The following PSMA5 variants were observed in gnomAD, a reference collection of about 807,000 sequenced individuals.
PSMA5 encodes proteasome 20S subunit alpha 5.
PSMA5 carries 3 observed loss-of-function variants against 34.5 expected under a neutral mutation model. The ratio of observed to expected loss-of-function variants is 0.09; its 90% CI spans 0.04 to 0.22. The LOEUF (loss-of-function observed/expected upper bound fraction) is 0.22. Among genes scored for constraint, PSMA5 ranks in the 10% least tolerant of loss-of-function variants. The pLI is 1.00. For missense variants in PSMA5, 120 were observed against 286.1 expected (o/e 0.42, Z 4.19); for synonymous variants, 88 against 95.8 (o/e 0.92, Z 0.47).
chr1:109,413,434 C>CACA (rs1557842164), intron 3 of PSMA5, among the ~76,000 whole-genome samples: 2 of 152,314 alleles, frequency 1.3e-5, no homozygotes, highest in East Asian at 3.9e-4. Flanking sequence ...CCCTTTAGCA[C>CACA]TCTTTGTAGA....
chr1:109,411,349 G>A (rs1486117758), intron 6 of PSMA5, among the ~76,000 whole-genome samples: 1 of 152,104 alleles, frequency 6.6e-6, no homozygotes, highest in East Asian at 1.9e-4. Context: ...GTATAAATAT[G>A]GTACTTGTTT....
Position 109,415,371 on chromosome 1 carries a change from G to T in PSMA5, c.97-8C>A. ...AATGGCTGTAGAACCAAGCTAAAGA[G>T]AAACATGTTATGATTACCATATATA... On this transcript the variant is annotated splice_polypyrimidine_tract_variant and splice_region_variant and intron_variant, in intron 2 of 8. Coordinates refer to ENST00000271308, the MANE Select transcript of PSMA5 (RefSeq NM_002790.4). 1 of 1,610,706 alleles carries T rather than the reference G, an allele frequency of 6.2e-7. No individual in the cohort carries two copies. Among genetic ancestry groups the T allele is most frequent in the African/African-American group, 1.3e-5 (1 of 74,944 alleles).
In PSMA5 at chr1:109,400,325, TTTA is replaced by T. The variant is rs1653459435; in HGVS notation, c.*1685_*1687del. 1 of 152,212 alleles carries T rather than the reference TTTA, an allele frequency of 6.6e-6. No homozygotes were observed. Among genetic ancestry groups the T allele is most frequent in the Non-Finnish European group, 1.5e-5 (1 of 68,038 alleles). The allele number at this position is 152,212 out of a possible 1,614,324, so 9.4% of individuals were successfully genotyped here. A position where few individuals can be genotyped will look rare whatever the true frequency, so the allele number is the denominator to read the frequency against. On this transcript the variant is annotated 3_prime_UTR_variant, in exon 9 of 9. Transcript: ENST00000271308. ...AACCTAGAGTTAAAAAGGAATATTGTTTATTGTTTGGCTCTCCCCACTAGAAGT... is the reference window on the plus strand; with the variant it reads ...AACCTAGAGTTAAAAAGGAATATTGTTTGTTTGGCTCTCCCCACTAGAAGT...
At chr1:109,415,493 G>A in intron 2 of PSMA5, 130 bp from the exon 3 acceptor site, 1 of 865,522 alleles carries the variant, frequency 1.2e-6, no homozygotes, top group Non-Finnish European at 1.6e-6. Flanking sequence ...CAGAGAGAAG[G>A]AGCACCCTAA....
chr1:109,407,617 C>T (rs1653831213), intron 8 of PSMA5, among the ~76,000 whole-genome samples: 1 of 152,124 alleles, frequency 6.6e-6, no homozygotes, highest in African/African-American at 2.4e-5. Flanking sequence ...TATATAATTA[C>T]AGCCTTGGTT....
intron 6 of PSMA5, among the ~76,000 whole-genome samples, chr1:109,411,499 A>C (rs1436061597): frequency 6.6e-6 from 1 of 152,184 alleles, no homozygotes; most frequent in South Asian, 2.1e-4. Flanking sequence ...GGAATTCTTC[A>C]TGGAATCCCC....
At chr1:109,418,902 C>T (rs1168856138) in intron 2 of PSMA5, among the ~76,000 whole-genome samples, 1 of 152,162 alleles carries the variant, frequency 6.6e-6, no homozygotes, top group African/African-American at 2.4e-5. Flanking sequence ...TGCCTATAAT[C>T]CCAGCAATTT....
At chr1:109,418,597 G>A (rs894727494) in intron 2 of PSMA5, among the ~76,000 whole-genome samples, 1 of 152,126 alleles carries the variant, frequency 6.6e-6, no homozygotes, top group Non-Finnish European at 1.5e-5. Flanking sequence ...GATTACAGGT[G>A]TGAGCCTTGC....
In PSMA5 at chr1:109,400,244, CAG is replaced by C. The variant is rs1262106433; in HGVS notation, c.*1767_*1768del. Reference sequence around the variant, plus strand: ...TTCCCCCTATGAAATGCATGTGATTCAGAGACACAACTCACCTCTCCCAAAAG... The same window carrying C: ...TTCCCCCTATGAAATGCATGTGATTCAGACACAACTCACCTCTCCCAAAAG... On this transcript the variant is annotated 3_prime_UTR_variant, in exon 9 of 9. Coordinates refer to ENST00000271308, the MANE Select transcript of PSMA5 (RefSeq NM_002790.4). 2 of 152,168 alleles carry C rather than the reference CAG, an allele frequency of 1.3e-5. No individual in the cohort carries two copies. The highest frequency in any genetic ancestry group is 2.4e-5 in the African/African-American group (1 of 41,414). The allele number at this position is 152,168 out of a possible 1,614,324, so 9.4% of individuals were successfully genotyped here.
intron 6 of PSMA5, 145 bp downstream of exon 6, chr1:109,411,732 C>T: frequency 1.3e-6 from 1 of 758,366 alleles, no homozygotes; most frequent in Non-Finnish European, 2.2e-6. Context: ...CTCAAGAGAT[C>T]CTCCTGCCTT....
chr1:109,422,335 G>T (rs909271427), intron 1 of PSMA5, among the ~76,000 whole-genome samples: 2 of 152,014 alleles, frequency 1.3e-5, no homozygotes, highest in African/African-American at 4.8e-5. Flanking sequence ...GTTAATACTT[G>T]GGGTTATCAC....
intron 8 of PSMA5, among the ~76,000 whole-genome samples, chr1:109,409,282 G>C (rs551541508): frequency 6.6e-6 from 1 of 152,058 alleles, no homozygotes; most frequent in African/African-American, 2.4e-5. Flanking sequence ...TCAGCCTCCC[G>C]AGTAGCTGGA....
intron 8 of PSMA5, among the ~76,000 whole-genome samples, chr1:109,408,470 TTATC>T (rs1653871363): frequency 6.6e-6 from 1 of 152,192 alleles, no homozygotes; most frequent in Non-Finnish European, 1.5e-5. Context: ...CAGGTTCTTA[TTATC>T]TATATGTTCC....
At position 109,401,052 on chromosome 1, in the gene PSMA5, A is replaced by G. The variant is rs1290280237; in HGVS notation, c.*961T>C. The G allele has an allele frequency of 6.6e-6, 1 of 152,216 alleles. No homozygotes were observed. Among genetic ancestry groups the G allele is most frequent in the African/African-American group, 2.4e-5 (1 of 41,460 alleles). The allele number at this position is 152,216 out of a possible 1,614,324, so 9.4% of individuals were successfully genotyped here. ...TCATCTGTTAAGTAGTGATACTGAT[A>G]CCATCTTCCCGTGGTAATTTTTGAG... On this transcript the variant is annotated 3_prime_UTR_variant, in exon 9 of 9. Transcript: ENST00000271308.
chr1:109,406,795 T>C (rs1278248594), intron 8 of PSMA5, among the ~76,000 whole-genome samples: 4 of 152,140 alleles, frequency 2.6e-5, no homozygotes, highest in Non-Finnish European at 4.4e-5. Context: ...GGAGGATCAA[T>C]ATAATGACTG....
At chr1:109,417,632 A>G (rs1654269951) in intron 2 of PSMA5, among the ~76,000 whole-genome samples, 1 of 152,170 alleles carries the variant, frequency 6.6e-6, no homozygotes, top group East Asian at 1.9e-4. Context: ...AAAACGGGAT[A>G]AATATGTAAA....
At chr1:109,425,827 T>A (rs904511615) in intron 1 of PSMA5, 1 of 159,194 alleles carries the variant, frequency 6.3e-6, no homozygotes, top group Admixed American at 6.4e-5. Context: ...AGACAATATA[T>A]CCAGCCAAAG....
At chr1:109,426,278 C>G (rs756094747) in intron 1 of PSMA5, 24 bp downstream of exon 1, 1 of 1,614,090 alleles carries the variant, frequency 6.2e-7, no homozygotes, top group Non-Finnish European at 8.5e-7. Context: ...TAATTCCCAC[C>G]CGACGTCCCC....
At chr1:109,416,820 T>A (rs549333874) in intron 2 of PSMA5, among the ~76,000 whole-genome samples, 1 of 152,318 alleles carries the variant, frequency 6.6e-6, no homozygotes, top group South Asian at 2.1e-4. Context: ...AAATGAGTAC[T>A]CAGGTTGGGC....
Sources: allele counts gnomAD v4.1 joint callset (sites outside exome capture counted in the v4.1 genomes callset), GRCh38; gene constraint gnomAD v4.1.1; transcripts MANE v1.5; gene names NCBI Gene and HGNC (gene_info 2026-07-23, HGNC 2026-07-21).